The following VILL variants were observed in gnomAD, a reference collection of about 807,000 sequenced individuals.
The protein encoded by VILL is villin like.
VILL carries 102 observed loss-of-function variants against 106.3 expected under a neutral mutation model. The observed-to-expected ratio is 0.96, with a 90% CI of 0.82 to 1.13. The LOEUF (loss-of-function observed/expected upper bound fraction) is 1.13, where lower values mean the gene tolerates loss of function less well. Ranked by LOEUF, VILL falls within the 50% of genes most tolerant of loss-of-function variation. The probability of loss-of-function intolerance (pLI) is 0.00; values close to 1 mark genes in which losing one functional copy is unlikely to be tolerated. For synonymous variants in VILL, 431 were observed against 440.3 expected (o/e 0.98, Z 0.27); for missense variants, 1,076 against 1,116.6 (o/e 0.96, Z 0.52).
intron 1 of VILL, among the ~76,000 whole-genome samples, chr3:37,993,113 C>T (rs1160106699): frequency 6.6e-6 from 1 of 152,216 alleles, no homozygotes; most frequent in African/African-American, 2.4e-5. Context: ...ATAACAAAAT[C>T]GACAGAAGTG....
rs1275961593 is a variant in VILL at position 38,003,279 on chromosome 3, C to A, written c.1771C>A (p.Leu591Met). 1 of 1,612,956 alleles carries A rather than the reference C, an allele frequency of 6.2e-7. No individual in the cohort carries two copies. Among genetic ancestry groups the A allele is most frequent in the African/African-American group, 1.3e-5 (1 of 74,902 alleles). The change falls in exon 15 of 20, where the codon CTG becomes ATG. Residue 591 changes from leucine (L) to methionine (M), a missense_variant. Leu to Met is a conservative substitution (Grantham distance 15). Coordinates refer to ENST00000383759, the MANE Select transcript of VILL (RefSeq NM_015873.4). ...GGAGCCTCCCCACTTCTGGGAGGCC[C>A]TGGGAGGCCGGGCCCCCTACCCCAG... ...GQEPPHFWEA[L>M]GGRAPYPSNK...
chr3:37,994,022 T>G (rs1296773138), intron 3 of VILL, 50 bp downstream of exon 3: 1 of 1,602,630 alleles, frequency 6.2e-7, no homozygotes, highest in Non-Finnish European at 8.5e-7. Context: ...GGCCCGGCAC[T>G]GGGGAGACTG....
Position 37,993,901 on chromosome 3 carries a change from C to T in VILL, c.64C>T (p.Arg22Trp), listed in dbSNP as rs375750924. ...GGLHIWISENRKMVPVPEGAY... is the reference protein window; with the variant it reads ...GGLHIWISENWKMVPVPEGAY... The stretch of plus-strand genomic sequence containing the variant: ...ACAGGGAACTCTCCTCTCCCAGAAC[C>T]GGAAGATGGTGCCGGTACCCGAGGG... The change falls in exon 3 of 20, where the codon CGG becomes TGG. Residue 22 changes from arginine to tryptophan, a missense_variant. Transcript: ENST00000383759. The T allele has an allele frequency of 2.0e-5, 32 of 1,614,174 alleles. No individual in the cohort carries two copies. Among genetic ancestry groups the T allele is most frequent in the Middle Eastern group, 3.3e-4 (2 of 6,062 alleles).
chr3:37,999,494 C>G (rs1699775649), intron 11 of VILL, 55 bp downstream of exon 11: 1 of 1,368,580 alleles, frequency 7.3e-7, no homozygotes, highest in Non-Finnish European at 9.7e-7. Flanking sequence ...TAAGCTTTGC[C>G]TACAGGTAAA....
At chr3:38,003,610 T>TA in intron 15 of VILL, 1 of 406,896 alleles carries the variant, frequency 2.5e-6, no homozygotes, top group East Asian at 4.9e-5. Flanking sequence ...TTCCCCACCC[T>TA]ACAGTCCTCA....
At chr3:37,996,825 AC>A (rs1288229755) in intron 5 of VILL, among the ~76,000 whole-genome samples, 1 of 152,228 alleles carries the variant, frequency 6.6e-6, no homozygotes, top group Non-Finnish European at 1.5e-5. Context: ...ATGCACACAC[AC>A]AAAAGATAAA....
intron 15 of VILL, 72 bp downstream of exon 15, chr3:38,003,385 G>T (rs1391846946): frequency 6.7e-7 from 1 of 1,483,458 alleles, no homozygotes; most frequent in Middle Eastern, 2.4e-4. Flanking sequence ...GTGGGTGACT[G>T]GGATTCACAC....
At position 37,998,415 on chromosome 3, in the gene VILL, G is replaced by C; in HGVS notation, c.942+51G>C. ...GGAACAGAGCACTGCCCTGGGGTCTGAGTGGGGAGGCAGCTCCGCCCCAGG... is the reference window on the plus strand; with the variant it reads ...GGAACAGAGCACTGCCCTGGGGTCTCAGTGGGGAGGCAGCTCCGCCCCAGG... On this transcript the variant is annotated intron_variant, in intron 9 of 19. Coordinates refer to ENST00000383759, the MANE Select transcript of VILL (RefSeq NM_015873.4). The surrounding 1 kb of genome is among the most constrained non-coding windows in gnomAD (Gnocchi z 4.1). 2 of 1,562,932 alleles carry C rather than the reference G, an allele frequency of 1.3e-6. No homozygotes were observed. The highest frequency in any genetic ancestry group is 1.8e-6 in the Non-Finnish European group (2 of 1,135,818).
Position 38,002,540 on chromosome 3 carries a change from G to A in VILL, c.1624G>A (p.Val542Ile). 6.2e-7 allele frequency: 1 copy of A among 1,614,126 alleles called. No individual in the cohort carries two copies. The highest frequency in any genetic ancestry group is 2.2e-5 in the East Asian group (1 of 44,884). ...CAACTCCAGTGACATCTTCTTGCTG[G>A]TCACAGCCAGCGTCTGCTACCTCTG... ...SLNSSDIFLL[V>I]TASVCYLWFG... The change falls in exon 14 of 20, where the codon GTC (valine) becomes ATC (isoleucine). Residue 542 changes from valine (V) to isoleucine (I), a missense_variant. Transcript: ENST00000383759.
Position 37,998,103 on chromosome 3 carries a change from G to A in VILL, c.778G>A (p.Gly260Ser). 6.2e-7 allele frequency: 1 copy of A among 1,611,588 alleles called. No individual in the cohort carries two copies. Among genetic ancestry groups the A allele is most frequent in the South Asian group, 1.1e-5 (1 of 90,628 alleles). Residue 260 changes from glycine (G) to serine (S), a missense_variant, in exon 8 of 20, where the codon GGC becomes AGC. Physicochemically the swap from Gly to Ser is moderately conservative, Grantham distance 56. Transcript: ENST00000383759. This position sits in a 1 kb window ranked among gnomAD's most constrained non-coding sequence, Gnocchi z 4.1. ...CTGTCCCCCCAGTGTCTATGAGAAG[G>A]GCAAAGACCTGGTGGTCCTGGAGTT... ...NVRLYHVYEKGKDLVVLELAT... is the reference protein window; with the variant it reads ...NVRLYHVYEKSKDLVVLELAT...
chr3:37,998,432 C>A lies in VILL; in HGVS notation c.942+68C>A. 1 of 1,441,284 alleles carries A rather than the reference C, an allele frequency of 6.9e-7. No homozygotes were observed. The highest frequency in any genetic ancestry group is 9.7e-7 in the Non-Finnish European group (1 of 1,029,444). 89.3% of individuals were successfully genotyped at this position (1,441,284 alleles called of 1,614,324 possible). A position where few individuals can be genotyped will look rare whatever the true frequency, so the allele number is the denominator to read the frequency against. ...TGGGGTCTGAGTGGGGAGGCAGCTC[C>A]GCCCCAGGGTCTAAGGGAGGAATCA... On this transcript the variant is annotated intron_variant, in intron 9 of 19. Coordinates refer to ENST00000383759, the MANE Select transcript of VILL (RefSeq NM_015873.4). This position sits in a 1 kb window ranked among gnomAD's most constrained non-coding sequence, Gnocchi z 4.1.
rs554089273 is a variant in VILL at position 37,998,922 on chromosome 3, A to C, written c.953A>C (p.Gln318Pro). 3 of 1,601,572 alleles carry C rather than the reference A, an allele frequency of 1.9e-6. No individual in the cohort carries two copies. The highest frequency in any genetic ancestry group is 2.6e-6 in the Non-Finnish European group (3 of 1,171,636). ...TGCCTTCCGCCCCAGGGCTTCATCC[A>C]GGCCAAGGGCTACCCGACCTACACC... ...AAFSRAVGFI[Q>P]AKGYPTYTNV... The change falls in exon 10 of 20, where the codon CAG becomes CCG. Residue 318 changes from glutamine (Q) to proline (P), a missense_variant. Transcript: ENST00000383759. This position sits in a 1 kb window ranked among gnomAD's most constrained non-coding sequence, Gnocchi z 4.1.
In VILL at chr3:38,006,248, C is replaced by T. The variant is rs1699919405; in HGVS notation, c.2201C>T (p.Thr734Ile). ...GCAGCATCAACCATCTCTGAGATAA[C>T]AGCAGTGAGTCCTGGGGCCCCTAGC... ...PAAASTISEITAEVNNLRLSR... is the reference protein window; with the variant it reads ...PAAASTISEIIAEVNNLRLSR... The change falls in exon 18 of 20, where the codon ACA becomes ATA. Residue 734 changes from threonine (T) to isoleucine (I), a missense_variant. Thr to Ile is a moderately conservative substitution (Grantham distance 89, BLOSUM62 -1). Transcript: ENST00000383759. The T allele has an allele frequency of 1.2e-6, 2 of 1,614,092 alleles. No homozygotes were observed. The highest frequency in any genetic ancestry group is 1.7e-5 in the Admixed American group (1 of 60,008).
At chr3:37,988,634 C>T (rs557847659), upstream of VILL, among the ~76,000 whole-genome samples, 18 of 152,258 alleles carry the variant, frequency 1.2e-4, no homozygotes, top group South Asian at 3.3e-3. Flanking sequence ...AGGCTGAGGC[C>T]GGTGGATCGC....
Position 37,998,554 on chromosome 3 carries a change from C to G in VILL, c.942+190C>G, listed in dbSNP as rs1038846483. ...GCCCTGAGAGTAAAGACCAGGTGGCCTCTGAGAAACCATGTGTAAAAGGGG... is the reference window on the plus strand; with the variant it reads ...GCCCTGAGAGTAAAGACCAGGTGGCGTCTGAGAAACCATGTGTAAAAGGGG... On this transcript the variant is annotated intron_variant, in intron 9 of 19. Transcript: ENST00000383759. This position sits in a 1 kb window ranked among gnomAD's most constrained non-coding sequence, Gnocchi z 4.1. 6.6e-6 allele frequency among the ~76,000 whole-genome samples: 1 copy of G among 152,148 alleles called. No individual in the cohort carries two copies. Among genetic ancestry groups the G allele is most frequent in the Non-Finnish European group, 1.5e-5 (1 of 68,022 alleles).
rs778752713 is a variant in VILL at position 38,001,828 on chromosome 3, GC to G, written c.1449del (p.Ile484SerfsTer7). The G allele has an allele frequency of 1.9e-6, 3 of 1,614,230 alleles. No individual in the cohort carries two copies. The highest frequency in any genetic ancestry group is 1.7e-4 in the Middle Eastern group (1 of 6,060). ...TMGSEPPHFL[A>X]IFQGQLVIFQ... The stretch of plus-strand genomic sequence containing the variant: ...GGGCAGCGAGCCCCCCCACTTCCTC[GC>G]CATCTTCCAGGGCCAGCTGGTGATC... On this transcript the variant is annotated frameshift_variant, in exon 13 of 20. Transcript: ENST00000383759. LOFTEE classifies it high-confidence loss of function.
chr3:38,003,579 G>T, intron 15 of VILL: 1 of 465,906 alleles, frequency 2.1e-6, no homozygotes, highest in Non-Finnish European at 3.9e-6. Context: ...TCCTGGTCCT[G>T]GGCCAGGGGA....
At chr3:38,002,784 C>A in intron 14 of VILL, 1 of 614,694 alleles carries the variant, frequency 1.6e-6, no homozygotes, top group Non-Finnish European at 2.7e-6. Context: ...CAGGTCAGAG[C>A]CAGGCCCAGG....
chr3:38,003,388 A>G, intron 15 of VILL, 75 bp downstream of exon 15: 1 of 1,475,258 alleles, frequency 6.8e-7, no homozygotes. Flanking sequence ...GGTGACTGGG[A>G]TTCACACAGA....
Sources: allele counts gnomAD v4.1 joint callset (sites outside exome capture counted in the v4.1 genomes callset), GRCh38; gene constraint gnomAD v4.1.1; non-coding constraint Gnocchi (gnomAD v3.1); transcripts MANE v1.5; gene names NCBI Gene and HGNC (gene_info 2026-07-23, HGNC 2026-07-21).